NRG3: variants seen among roughly 807,000 people sequenced by gnomAD.
The protein encoded by NRG3 is pro-neuregulin-3, membrane-bound isoform.
Under a neutral mutation model 66.9 loss-of-function variants are expected in NRG3, and 31 were observed. The observed-to-expected ratio is 0.46, with a 90% CI of 0.35 to 0.63. NRG3 has a LOEUF of 0.63. Ranked by LOEUF, NRG3 falls within the 20% of genes least tolerant of loss-of-function variation. The pLI is 0.00. For missense variants in NRG3, 910 were observed against 878.9 expected (o/e 1.04, Z -0.45); for synonymous variants, 393 against 359.4 (o/e 1.09, Z -1.06).
intron 4 of NRG3, among the ~76,000 whole-genome samples, chr10:82,934,600 C>A (rs868486362): frequency 3.3e-5 from 5 of 152,214 alleles, no homozygotes; most frequent in South Asian, 2.1e-4. Context: ...TATCACCAAA[C>A]GCCTGTTGGT....
At chr10:82,877,118 A>C (rs919029047) in intron 4 of NRG3, among the ~76,000 whole-genome samples, 1 of 152,132 alleles carries the variant, frequency 6.6e-6, no homozygotes, top group Non-Finnish European at 1.5e-5. Flanking sequence ...CAGTTGCTTC[A>C]GGAGCTAGGA....
intron 2 of NRG3, among the ~76,000 whole-genome samples, chr10:82,694,532 ATTGT>A (rs2055217787): frequency 6.6e-6 from 1 of 152,010 alleles, no homozygotes; most frequent in Non-Finnish European, 1.5e-5. Context: ...AGGCCAGCAG[ATTGT>A]TTGAGGCTAG....
chr10:82,315,240 A>G (rs1327838470), intron 1 of NRG3, among the ~76,000 whole-genome samples: 1 of 152,210 alleles, frequency 6.6e-6, no homozygotes, highest in Admixed American at 6.5e-5. Flanking sequence ...CACCTGGTGA[A>G]AATCCTCACT....
intron 3 of NRG3, among the ~76,000 whole-genome samples, chr10:82,787,445 G>A (rs1198096335): frequency 6.6e-6 from 1 of 152,164 alleles, no homozygotes; most frequent in East Asian, 1.9e-4. Context: ...AGGTAAACAA[G>A]GAGGAGCCTT....
chr10:82,084,976 T>G (rs1358043835), intron 1 of NRG3, among the ~76,000 whole-genome samples: 1 of 152,156 alleles, frequency 6.6e-6, no homozygotes. Flanking sequence ...TCTAGCTATG[T>G]TGGGCAACTA....
At position 81,875,457 on chromosome 10, in the gene NRG3, C is replaced by T; in HGVS notation, c.117C>T (p.Asp39=). Residue 39 remains aspartate (D), a synonymous_variant, in exon 1 of 9, where the codon GAC becomes GAT. Transcript: ENST00000372141. This position sits in a 1 kb window ranked among gnomAD's most constrained non-coding sequence, Gnocchi z 5.3. ...AAAAAAGGGP[D]GGGEGAAEPP... is the part of the protein sequence containing the mutation. ...CGGCAGCGGCGGGCGGGGGCCCGGA[C>T]GGCGGCGGCGAAGGGGCGGCCGAGC... 1 of 1,234,362 alleles carries T rather than the reference C, an allele frequency of 8.1e-7. No homozygotes were observed. The highest frequency in any genetic ancestry group is 1.0e-6 in the Non-Finnish European group (1 of 988,120). 76.5% of individuals were successfully genotyped at this position (1,234,362 alleles called of 1,614,324 possible).
intron 1 of NRG3, among the ~76,000 whole-genome samples, chr10:81,919,361 C>T (rs1357394208): frequency 6.6e-6 from 1 of 152,174 alleles, no homozygotes; most frequent in Non-Finnish European, 1.5e-5. Flanking sequence ...CCTCTTAAAC[C>T]TCTTTGAACG....
intron 2 of NRG3, among the ~76,000 whole-genome samples, chr10:82,494,221 C>T (rs1487976121): frequency 6.6e-6 from 1 of 152,100 alleles, no homozygotes; most frequent in Non-Finnish European, 1.5e-5. Context: ...TCATTTGACC[C>T]AGCACTCCCA....
chr10:82,052,865 CT>C (rs759480533), intron 1 of NRG3, among the ~76,000 whole-genome samples: 18 of 152,050 alleles, frequency 1.2e-4, no homozygotes, highest in Non-Finnish European at 2.6e-4. Flanking sequence ...TTCTTTTGGT[CT>C]TGTTTCCTAA....
At chr10:82,835,176 TG>T (rs2062712863) in intron 3 of NRG3, among the ~76,000 whole-genome samples, 2 of 152,284 alleles carry the variant, frequency 1.3e-5, no homozygotes, top group South Asian at 4.1e-4. Flanking sequence ...GAGCAAAGTA[TG>T]GTCCTGATAA....
At position 82,709,276 on chromosome 10, in the gene NRG3, G is replaced by A. The variant is rs1208662552; in HGVS notation, c.954-29301G>A. ...ATGCATCTTGACAGACAGTTCTATC[G>A]GATGGTGTGACTCTAGAGCTATAAT... is the stretch of plus-strand genomic sequence containing the variant. On this transcript the variant is annotated intron_variant, in intron 2 of 8. Coordinates refer to ENST00000372141, the MANE Select transcript of NRG3 (RefSeq NM_001010848.4). 5.3e-5 allele frequency among the ~76,000 whole-genome samples: 8 copies of A among 152,148 alleles called. No homozygotes were observed. The East Asian group carries it at 7.7e-4, about 15-fold the overall frequency.
At chr10:82,497,165 C>T (rs1304049058) in intron 2 of NRG3, among the ~76,000 whole-genome samples, 1 of 152,102 alleles carries the variant, frequency 6.6e-6, no homozygotes, top group Non-Finnish European at 1.5e-5. Context: ...TGCAAGTTGG[C>T]TCTCTTCATC....
At chr10:82,007,358 C>G (rs898063390) in intron 1 of NRG3, among the ~76,000 whole-genome samples, 1 of 151,656 alleles carries the variant, frequency 6.6e-6, no homozygotes, top group Non-Finnish European at 1.5e-5. Context: ...TACAGGCGCA[C>G]GCCACCATGC....
chr10:81,885,903 A>T (rs750454464), intron 1 of NRG3, among the ~76,000 whole-genome samples: 20 of 152,276 alleles, frequency 1.3e-4, no homozygotes, highest in Middle Eastern at 3.4e-3. Flanking sequence ...AGAATTTTTT[A>T]AAAAATGGGC....
intron 2 of NRG3, among the ~76,000 whole-genome samples, chr10:82,411,605 CTCA>C (rs1178011284): frequency 6.6e-6 from 1 of 152,152 alleles, no homozygotes; most frequent in African/African-American, 2.4e-5. Context: ...ACTCTGAACA[CTCA>C]TCAGAAAACT....
intron 6 of NRG3, among the ~76,000 whole-genome samples, chr10:82,972,617 A>G (rs1331224992): frequency 6.6e-6 from 1 of 152,184 alleles, no homozygotes; most frequent in Non-Finnish European, 1.5e-5. Context: ...GGTGGAATTT[A>G]TCTTTAGTTT....
intron 2 of NRG3, among the ~76,000 whole-genome samples, chr10:82,638,733 A>G (rs1422943958): frequency 6.6e-6 from 1 of 151,034 alleles, no homozygotes; most frequent in East Asian, 2.0e-4. Context: ...TGCAGCTTCC[A>G]CCTCGCAGGT....
At chr10:81,885,043 A>G (rs746006611) in intron 1 of NRG3, among the ~76,000 whole-genome samples, 2 of 152,194 alleles carry the variant, frequency 1.3e-5, no homozygotes, top group Non-Finnish European at 1.5e-5. Context: ...CTCTTGCATA[A>G]CTAAATCTTT....
chr10:82,597,795 C>T (rs1302511115), intron 2 of NRG3, among the ~76,000 whole-genome samples: 2 of 152,014 alleles, frequency 1.3e-5, no homozygotes, highest in African/African-American at 4.8e-5. Context: ...GTGGCATGTG[C>T]CTGTAGTCCT....
Sources: allele counts gnomAD v4.1 joint callset (sites outside exome capture counted in the v4.1 genomes callset), GRCh38; gene constraint gnomAD v4.1.1; non-coding constraint Gnocchi (gnomAD v3.1); transcripts MANE v1.5; gene names NCBI Gene and HGNC (gene_info 2026-07-23, HGNC 2026-07-21).